TRHDE: variants seen among roughly 807,000 people sequenced by gnomAD.
TRHDE encodes thyrotropin releasing hormone degrading enzyme.
Under a neutral mutation model 125.7 loss-of-function variants are expected in TRHDE, and 72 were observed. The ratio of observed to expected loss-of-function variants is 0.57; its 90% CI spans 0.47 to 0.70. The LOEUF (loss-of-function observed/expected upper bound fraction) is 0.70. TRHDE is among the 30% of genes least tolerant of loss of function. The pLI, the probability that TRHDE is intolerant of heterozygous loss-of-function variation, is 0.00. For missense variants in TRHDE, 1,110 were observed against 1,327.1 expected (o/e 0.84, Z 2.54); for synonymous variants, 509 against 509.1 (o/e 1.00, Z 0.00).
intron 2 of TRHDE, among the ~76,000 whole-genome samples, chr12:72,367,501 C>T (rs1871387944): frequency 6.6e-6 from 1 of 151,960 alleles, no homozygotes; most frequent in Non-Finnish European, 1.5e-5. Context: ...TTCCCTGTTT[C>T]TTCTAGACTT....
At chr12:72,300,926 G>A (rs117565625) in intron 2 of TRHDE, among the ~76,000 whole-genome samples, 2 of 152,204 alleles carry the variant, frequency 1.3e-5, no homozygotes, top group African/African-American at 4.8e-5. Flanking sequence ...CATTAGCCCT[G>A]TGCGGTTATT....
chr12:72,471,636 C>T (rs1178736492), intron 4 of TRHDE, among the ~76,000 whole-genome samples: 1 of 152,146 alleles, frequency 6.6e-6, no homozygotes, highest in African/African-American at 2.4e-5. Flanking sequence ...TTTGTTGTCA[C>T]AATTCTGAAG....
rs1297598869 is a variant in TRHDE, at chr12:72,668,774, C to G, written c.*5579C>G. On this transcript the variant is annotated 3_prime_UTR_variant, in exon 19 of 19. Coordinates refer to ENST00000261180, the MANE Select transcript of TRHDE (RefSeq NM_013381.3). The stretch of plus-strand genomic sequence containing the variant: ...TGGAGGCAGAGTTGTTATCAGTTTA[C>G]ATAATTAATTAGTGGTATTCACTTG... 2.0e-5 allele frequency: 3 copies of G among 151,784 alleles called. No homozygotes were observed. Among genetic ancestry groups the G allele is most frequent in the Non-Finnish European group, 4.4e-5 (3 of 67,824 alleles). The allele number at this position is 151,784 out of a possible 1,614,324, so 9.4% of individuals were successfully genotyped here. A position where few individuals can be genotyped will look rare whatever the true frequency, so the allele number is the denominator to read the frequency against.
chr12:72,455,518 TATC>T (rs1222033611), intron 3 of TRHDE, among the ~76,000 whole-genome samples: 2 of 152,164 alleles, frequency 1.3e-5, no homozygotes, highest in East Asian at 3.8e-4. Flanking sequence ...TTTCTTGAAA[TATC>T]ATTATATTTA....
intron 2 of TRHDE, among the ~76,000 whole-genome samples, chr12:72,360,566 C>T (rs1249894112): frequency 1.3e-5 from 2 of 151,590 alleles, no homozygotes; most frequent in Non-Finnish European, 1.5e-5. Flanking sequence ...CATTGTTTAA[C>T]AAAAATCTCA....
intron 2 of TRHDE, among the ~76,000 whole-genome samples, chr12:72,310,929 A>G (rs1235262559): frequency 6.6e-6 from 1 of 152,136 alleles, no homozygotes; most frequent in African/African-American, 2.4e-5. Flanking sequence ...GTATTATTGG[A>G]GAAAAAATCA....
At chr12:72,279,320 G>A (rs749431952) in intron 1 of TRHDE, among the ~76,000 whole-genome samples, 2 of 133,672 alleles carry the variant, frequency 1.5e-5, no homozygotes, top group African/African-American at 2.9e-5. Flanking sequence ...AATGCTTTAC[G>A]GTCTTTAAGG....
intron 3 of TRHDE, among the ~76,000 whole-genome samples, chr12:72,395,497 C>G (rs1037239276): frequency 6.6e-6 from 1 of 152,076 alleles, no homozygotes; most frequent in South Asian, 2.1e-4. Context: ...GCTCCAACAA[C>G]TTGTCACCCT....
chr12:72,640,184 A>T (rs1873986126), intron 15 of TRHDE, among the ~76,000 whole-genome samples: 1 of 152,252 alleles, frequency 6.6e-6, no homozygotes, highest in Admixed American at 6.5e-5. Flanking sequence ...CCTCCGAGCC[A>T]GGTGCGGGAC....
intron 2 of TRHDE, among the ~76,000 whole-genome samples, chr12:72,171,808 A>G (rs1291372036): frequency 6.6e-6 from 1 of 152,190 alleles, no homozygotes; most frequent in Non-Finnish European, 1.5e-5. Context: ...TTGTCCTATC[A>G]TTATATGAGT....
At chr12:72,342,495 A>G (rs1034424391) in intron 2 of TRHDE, among the ~76,000 whole-genome samples, 10 of 152,132 alleles carry the variant, frequency 6.6e-5, no homozygotes, top group African/African-American at 2.4e-4. Context: ...TTTCCTAAAG[A>G]AAGAAATAAT....
intron 10 of TRHDE, among the ~76,000 whole-genome samples, chr12:72,572,154 T>C (rs1426394037): frequency 6.6e-6 from 1 of 152,184 alleles, no homozygotes; most frequent in Non-Finnish European, 1.5e-5. Context: ...AGAAGACCAG[T>C]ATGTATTATT....
chr12:72,221,968 T>A (rs1878010121), intron 2 of TRHDE, among the ~76,000 whole-genome samples: 1 of 152,098 alleles, frequency 6.6e-6, no homozygotes, highest in Admixed American at 6.6e-5. Flanking sequence ...TGTCAGGGCC[T>A]CTTCATGTGG....
At chr12:72,240,683 C>A (rs1878460645) in intron 2 of TRHDE, among the ~76,000 whole-genome samples, 1 of 151,978 alleles carries the variant, frequency 6.6e-6, no homozygotes, top group Admixed American at 6.6e-5. Context: ...CATTCTCCTG[C>A]CTCAGCCTCC....
intron 7 of TRHDE, among the ~76,000 whole-genome samples, chr12:72,550,438 T>C (rs1213686906): frequency 6.6e-6 from 1 of 151,970 alleles, no homozygotes; most frequent in Non-Finnish European, 1.5e-5. Flanking sequence ...TATTTTTCTT[T>C]TTATTTTATG....
chr12:72,430,073 G>A (rs1874377802), intron 3 of TRHDE, among the ~76,000 whole-genome samples: 1 of 151,220 alleles, frequency 6.6e-6, no homozygotes, highest in Non-Finnish European at 1.5e-5. Flanking sequence ...ATCTAAAAAG[G>A]TTTTGCCTAA....
At position 72,442,503 on chromosome 12, in the gene TRHDE, T is replaced by A. The variant is rs145906877; in HGVS notation, c.1316-27255T>A. The stretch of plus-strand genomic sequence containing the variant: ...TAAACACTTTTTCCTTACTTATCTA[T>A]CTGCATTTCCTTGCTGCATTTGGCG... On this transcript the variant is annotated intron_variant, in intron 3 of 18. Transcript: ENST00000261180. Among the ~76,000 whole-genome samples the A allele has an allele frequency of 4.0e-3, 606 of 152,062 alleles. 6 individuals are homozygous for A. Among genetic ancestry groups the A allele is most frequent in the African/African-American group, 0.014 (578 of 41,520 alleles).
intron 2 of TRHDE, among the ~76,000 whole-genome samples, chr12:72,326,548 C>G (rs1313103759): frequency 4.6e-5 from 7 of 151,918 alleles, no homozygotes; most frequent in Admixed American, 1.3e-4. Context: ...CACATGTATC[C>G]CAGAACTTAA....
intron 2 of TRHDE, among the ~76,000 whole-genome samples, chr12:72,371,952 C>T (rs1282700971): frequency 6.6e-6 from 1 of 152,122 alleles, no homozygotes; most frequent in Non-Finnish European, 1.5e-5. Flanking sequence ...TTCTAGATAC[C>T]TGAGGAATCG....
Sources: gnomAD v4.1 joint callset for allele counts (sites outside exome capture counted in the v4.1 genomes callset) on GRCh38, gnomAD v4.1.1 for gene constraint, MANE v1.5 for transcripts, NCBI Gene and HGNC (gene_info 2026-07-23, HGNC 2026-07-21) for gene names.